MYT1L: variants seen among roughly 807,000 people sequenced by gnomAD.
The protein encoded by MYT1L is myelin transcription factor 1-like protein.
Under a neutral mutation model 126.7 loss-of-function variants are expected in MYT1L, and 12 were observed. The ratio of observed to expected loss-of-function variants is 0.09; its 90% confidence interval spans 0.06 to 0.15. MYT1L has a LOEUF of 0.15. MYT1L is among the 10% of genes least tolerant of loss of function. MYT1L has a pLI of 1.00. For missense variants in MYT1L, 979 were observed against 1,585.2 expected (o/e 0.62, Z 6.49); for synonymous variants, 541 against 604.2 (o/e 0.90, Z 1.53).
At chr2:2,205,005 C>G (rs551371510) in intron 2 of MYT1L, among the ~76,000 whole-genome samples, 1 of 150,572 alleles carries the variant, frequency 6.6e-6, no homozygotes, top group Non-Finnish European at 1.5e-5. Context: ...AGCAAACTAG[C>G]GCAAGGACAA....
chr2:2,209,756 C>T (rs142461377), intron 2 of MYT1L, among the ~76,000 whole-genome samples: 6 of 152,216 alleles, frequency 3.9e-5, no homozygotes, highest in South Asian at 2.1e-4. Context: ...TCAGTGAACA[C>T]GGGAGAGCAG....
At chr2:2,191,318 T>C (rs1044601345) in intron 2 of MYT1L, among the ~76,000 whole-genome samples, 5 of 152,182 alleles carry the variant, frequency 3.3e-5, no homozygotes, top group Non-Finnish European at 7.4e-5. Flanking sequence ...CACTGGCAGG[T>C]CAGATTGGAG....
intron 2 of MYT1L, among the ~76,000 whole-genome samples, chr2:2,233,731 G>A (rs971280650): frequency 6.6e-6 from 1 of 152,312 alleles, no homozygotes; most frequent in Admixed American, 6.5e-5. Context: ...CTGCCTGGGA[G>A]GGTCAGCAAT....
chr2:2,159,537 G>T (rs560349113), intron 3 of MYT1L, among the ~76,000 whole-genome samples: 1 of 151,976 alleles, frequency 6.6e-6, no homozygotes, highest in Admixed American at 6.5e-5. Context: ...GCTGCTGAGC[G>T]CGGGCTGTGT....
intron 3 of MYT1L, among the ~76,000 whole-genome samples, chr2:2,070,475 A>G (rs1460388795): frequency 2.0e-5 from 3 of 152,202 alleles, no homozygotes; most frequent in Non-Finnish European, 4.4e-5. Flanking sequence ...ACATGGAAGA[A>G]CTTCTAAACA....
intron 1 of MYT1L, among the ~76,000 whole-genome samples, chr2:2,330,351 A>G (rs1024349206): frequency 6.6e-6 from 1 of 152,082 alleles, no homozygotes; most frequent in Non-Finnish European, 1.5e-5. Flanking sequence ...TTACATATAT[A>G]TTTTTGCTTT....
At chr2:1,986,381 G>C (rs929820620) in intron 5 of MYT1L, among the ~76,000 whole-genome samples, 2 of 152,096 alleles carry the variant, frequency 1.3e-5, no homozygotes, top group African/African-American at 4.8e-5. Context: ...GAGCCTTTCA[G>C]AGCTTCAAAA....
intron 1 of MYT1L, among the ~76,000 whole-genome samples, chr2:2,299,355 G>A (rs939548288): frequency 6.6e-6 from 1 of 152,252 alleles, no homozygotes; most frequent in African/African-American, 2.4e-5. Context: ...AGGGACCCAT[G>A]TCAGAGGTCA....
chr2:2,182,764 C>T (rs2091675889), intron 2 of MYT1L, among the ~76,000 whole-genome samples: 1 of 152,180 alleles, frequency 6.6e-6, no homozygotes, highest in Admixed American at 6.6e-5. Context: ...TTGCTGGCTT[C>T]CTACCAAACA....
At chr2:2,170,733 T>A (rs750141660) in intron 3 of MYT1L, among the ~76,000 whole-genome samples, 14 of 152,166 alleles carry the variant, frequency 9.2e-5, no homozygotes, top group Non-Finnish European at 1.8e-4. Flanking sequence ...ATATTGACCA[T>A]CCCCTGAGAG....
At chr2:2,235,557 C>T (rs1432743266) in intron 2 of MYT1L, among the ~76,000 whole-genome samples, 1 of 152,198 alleles carries the variant, frequency 6.6e-6, no homozygotes, top group Non-Finnish European at 1.5e-5. Flanking sequence ...TTGGCACTAA[C>T]TCTGGACCTG....
chr2:2,198,082 TA>T (rs2092905014), intron 2 of MYT1L, among the ~76,000 whole-genome samples: 2 of 151,656 alleles, frequency 1.3e-5, no homozygotes, highest in Non-Finnish European at 2.9e-5. Context: ...TACCCAGCAA[TA>T]AAAAAAGAAG....
chr2:2,268,437 A>T (rs1272621898), intron 2 of MYT1L, among the ~76,000 whole-genome samples: 1 of 152,202 alleles, frequency 6.6e-6, no homozygotes, highest in Admixed American at 6.5e-5. Context: ...TTTTATTTTA[A>T]GGTCAGTTTT....
chr2:2,027,761 G>A (rs1287230818), intron 4 of MYT1L, among the ~76,000 whole-genome samples: 1 of 152,084 alleles, frequency 6.6e-6, no homozygotes, highest in Non-Finnish European at 1.5e-5. Context: ...TGACATCTCT[G>A]AGTCTTACCT....
Position 1,937,437 on chromosome 2 carries a change from A to G in MYT1L, c.505+5545T>C, listed in dbSNP as rs894362716. 4.7e-5 allele frequency among the ~76,000 whole-genome samples: 7 copies of G among 150,222 alleles called. No individual in the cohort carries two copies. The East Asian group carries it at 6.0e-4, about 13-fold the overall frequency. ...AACGTCTGCGGCCATCAGATCGTAC[A>G]TCGAGAAGGCCCTAACGTCCGCAGC... On this transcript the variant is annotated intron_variant, in intron 9 of 24. Transcript: ENST00000647738.
intron 1 of MYT1L, among the ~76,000 whole-genome samples, chr2:2,310,307 A>G (rs1233116709): frequency 6.6e-6 from 1 of 151,932 alleles, no homozygotes; most frequent in African/African-American, 2.4e-5. Context: ...TCTGTTCTTT[A>G]TCTATACTCC....
chr2:1,826,726 G>A (rs1418530796), intron 21 of MYT1L, among the ~76,000 whole-genome samples: 1 of 152,140 alleles, frequency 6.6e-6, no homozygotes, highest in African/African-American at 2.4e-5. Flanking sequence ...GAGGGTGTCT[G>A]GGCCTGAGGC....
At chr2:1,794,468 G>T (rs931303573) in intron 23 of MYT1L, among the ~76,000 whole-genome samples, 5 of 152,218 alleles carry the variant, frequency 3.3e-5, no homozygotes, top group African/African-American at 7.2e-5. Flanking sequence ...GTTATTCCTG[G>T]GGCCTGTGAT....
intron 1 of MYT1L, among the ~76,000 whole-genome samples, chr2:2,304,740 G>A (rs1483585606): frequency 6.6e-6 from 1 of 152,182 alleles, no homozygotes; most frequent in East Asian, 1.9e-4. Context: ...CAAGTTGTCT[G>A]GATTTGGCAT....
Sources: allele counts gnomAD v4.1 joint callset (sites outside exome capture counted in the v4.1 genomes callset), GRCh38; gene constraint gnomAD v4.1.1; transcripts MANE v1.5; gene names NCBI Gene and HGNC (gene_info 2026-07-23, HGNC 2026-07-21).